The following PCDHGA3 variants were observed in gnomAD, a reference collection of about 807,000 sequenced individuals.
The protein encoded by PCDHGA3 is protocadherin gamma-A3.
PCDHGA3 carries 40 observed loss-of-function variants against 58.5 expected under a neutral mutation model. The ratio of observed to expected loss-of-function variants is 0.68; its 90% CI spans 0.53 to 0.89. PCDHGA3 has a LOEUF of 0.89. PCDHGA3 is among the 40% of genes least tolerant of loss of function. The pLI is 0.00. For synonymous variants in PCDHGA3, 530 were observed against 525.7 expected, an observed-to-expected ratio of 1.01 and a Z score of -0.11; for missense variants, 1,223 against 1,195.9, an observed-to-expected ratio of 1.02 and a Z score of -0.33.
At position 141,477,961 on chromosome 5, in the gene PCDHGA3, C is replaced by T. The variant is rs199947431; in HGVS notation, c.2425-16846C>T. 21 of 1,614,048 alleles carry T rather than the reference C, an allele frequency of 1.3e-5. No homozygotes were observed. The Admixed American group carries it at 1.5e-4, about 12-fold the overall frequency. On this transcript the variant is annotated intron_variant, in intron 1 of 3. Coordinates refer to ENST00000253812, the MANE Select transcript of PCDHGA3 (RefSeq NM_018916.4). The surrounding 1 kb of genome is among the most constrained non-coding windows in gnomAD (Gnocchi z 4.9). Reference sequence around the variant, plus strand: ...CCTACAGTCTCTTGGGATCCCCTAACCAGAGCCTTTTTGCCATAGGGCTGC... The same window carrying T: ...CCTACAGTCTCTTGGGATCCCCTAATCAGAGCCTTTTTGCCATAGGGCTGC...
In PCDHGA3 at chr5:141,511,358, G is replaced by GT; in HGVS notation, c.*187dup. 1 of 1,355,398 alleles carries GT rather than the reference G, an allele frequency of 7.4e-7. No homozygotes were observed. Among genetic ancestry groups the GT allele is most frequent in the South Asian group, 1.5e-5 (1 of 66,198 alleles). 84.0% of individuals were successfully genotyped at this position (1,355,398 alleles called of 1,614,324 possible). On this transcript the variant is annotated 3_prime_UTR_variant, in exon 4 of 4. Transcript: ENST00000253812. ...GCACCTACCCCTTCCCCCCCAGGGG[G>GT]TTGAATATGCAAAAGCAGTTCCGCT...
intron 1 of PCDHGA3, chr5:141,360,648 C>T (rs1346761280): frequency 1.9e-5 from 31 of 1,613,888 alleles, no homozygotes; most frequent in African/African-American, 5.3e-5. Flanking sequence ...AAAGATACCA[C>T]CTTAATGACA....
At chr5:141,409,081 A>G (rs1220843821) in intron 1 of PCDHGA3, 3 of 1,613,820 alleles carry the variant, frequency 1.9e-6, no homozygotes, top group Non-Finnish European at 2.5e-6. Context: ...ATATGTTCTC[A>G]TTGGATGAGA....
intron 1 of PCDHGA3, among the ~76,000 whole-genome samples, chr5:141,482,633 G>T (rs1218163238): frequency 2.0e-5 from 3 of 151,784 alleles, no homozygotes; most frequent in Non-Finnish European, 2.9e-5. Flanking sequence ...AGGAAGAAAT[G>T]ATAGAGGTGG....
chr5:141,350,785 C>T, intron 1 of PCDHGA3: 1 of 1,613,294 alleles, frequency 6.2e-7, no homozygotes, highest in Non-Finnish European at 8.5e-7. Flanking sequence ...ATCAATACTT[C>T]TCTCTGTCAA....
chr5:141,510,221 C>T lies in PCDHGA3; in HGVS notation c.2573-726C>T, dbSNP rs891359580. On this transcript the variant is annotated intron_variant, in intron 3 of 3. Transcript: ENST00000253812. The stretch of plus-strand genomic sequence containing the variant: ...CCAGGAGGCAGAGGTTGCAGTGAGC[C>T]GGGATCGCGCCACTGCACTCCAGGC... Among the ~76,000 whole-genome samples, 12 of 150,616 alleles carry T rather than the reference C, an allele frequency of 8.0e-5. No homozygotes were observed. In the East Asian group the frequency reaches 1.2e-3, roughly 15 times the overall value.
intron 1 of PCDHGA3, chr5:141,352,400 T>C (rs772878086): frequency 1.9e-5 from 31 of 1,613,892 alleles, no homozygotes; most frequent in East Asian, 4.5e-5. Context: ...CCTGCGACGT[T>C]CCTCCAGCCT....
intron 2 of PCDHGA3, among the ~76,000 whole-genome samples, chr5:141,496,991 G>T (rs1164558685): frequency 6.6e-6 from 1 of 151,902 alleles, no homozygotes; most frequent in African/African-American, 2.4e-5. Context: ...TTTGAGACCA[G>T]CCTGGCAGCC....
At chr5:141,404,360 TC>T (rs780435528) in intron 1 of PCDHGA3, 1 of 1,613,900 alleles carries the variant, frequency 6.2e-7, no homozygotes. Context: ...CAGAGGTACT[TC>T]CATCTTCTCC....
In PCDHGA3 at chr5:141,362,669, C is replaced by T. The variant is rs1028170696; in HGVS notation, c.2424+16212C>T. 8.6e-6 allele frequency: 11 copies of T among 1,279,762 alleles called. No individual in the cohort carries two copies. The African/African-American group carries it at 1.4e-4, about 16-fold the overall frequency. The allele number at this position is 1,279,762 out of a possible 1,614,324, so 79.3% of individuals were successfully genotyped here. ...TGAGTTAGATTTGGCCAATGTTGTG[C>T]CTTAATTGTCTTAATCTTATCTAAC... is the stretch of plus-strand genomic sequence containing the variant. On this transcript the variant is annotated intron_variant, in intron 1 of 3. Transcript: ENST00000253812.
At chr5:141,372,226 C>A (rs1238266870) in intron 1 of PCDHGA3, 1 of 1,613,332 alleles carries the variant, frequency 6.2e-7, no homozygotes, top group Non-Finnish European at 8.5e-7. Flanking sequence ...ATTGTGCAGG[C>A]CAGCGAGCCC....
At chr5:141,389,896 C>T (rs1398944326) in intron 1 of PCDHGA3, 1 of 1,614,076 alleles carries the variant, frequency 6.2e-7, no homozygotes, top group Non-Finnish European at 8.5e-7. Flanking sequence ...GAGGTGCTGC[C>T]GGATATCACT....
rs139771811 is a variant in PCDHGA3 at position 141,355,932 on chromosome 5, G to C, written c.2424+9475G>C. ...ACGATAATGCTCCCGTGTTCACTCA[G>C]CCCGAGTACCACGTAAGTGTTCGTG... On this transcript the variant is annotated intron_variant, in intron 1 of 3. Coordinates refer to ENST00000253812, the MANE Select transcript of PCDHGA3 (RefSeq NM_018916.4). 10 of 1,613,772 alleles carry C rather than the reference G, an allele frequency of 6.2e-6. 1 individual carries two copies. The highest frequency in any genetic ancestry group is 4.5e-5 in the East Asian group (2 of 44,878).
chr5:141,390,061 A>G, intron 1 of PCDHGA3: 1 of 1,614,016 alleles, frequency 6.2e-7, no homozygotes, highest in East Asian at 2.2e-5. Context: ...AGCTGCTTCC[A>G]GCCTGGTCTC....
chr5:141,383,860 G>C lies in PCDHGA3; in HGVS notation c.2424+37403G>C, dbSNP rs772168555. On this transcript the variant is annotated intron_variant, in intron 1 of 3. Coordinates refer to ENST00000253812, the MANE Select transcript of PCDHGA3 (RefSeq NM_018916.4). ...TGCCTTCTATGAAATGGAGGTTCAG[G>C]CTCAAGATGGTCCTGGTAGTCTGAC... 6 of 1,613,808 alleles carry C rather than the reference G, an allele frequency of 3.7e-6. No homozygotes were observed. The Admixed American group carries it at 8.3e-5, about 22-fold the overall frequency.
intron 1 of PCDHGA3, chr5:141,400,256 G>A (rs756430299): frequency 9.9e-6 from 16 of 1,613,986 alleles, no homozygotes; most frequent in Admixed American, 1.7e-5. Context: ...GTTGCCTTGC[G>A]CCTGCGACGC....
In PCDHGA3 at chr5:141,486,610, C is replaced by G; in HGVS notation, c.2425-8197C>G. 6.2e-7 allele frequency: 1 copy of G among 1,613,620 alleles called. No homozygotes were observed. The highest frequency in any genetic ancestry group is 8.5e-7 in the Non-Finnish European group (1 of 1,180,038). On this transcript the variant is annotated intron_variant, in intron 1 of 3. Coordinates refer to ENST00000253812, the MANE Select transcript of PCDHGA3 (RefSeq NM_018916.4). This position sits in a 1 kb window ranked among gnomAD's most constrained non-coding sequence, Gnocchi z 5.0. ...GGGACCTGCTTTGCTCCCTTGCAGC[C>G]TCTGACCCAGACTCTGGCTTGAATG...
chr5:141,500,937 C>G (rs910002814), intron 2 of PCDHGA3, among the ~76,000 whole-genome samples: 1 of 151,804 alleles, frequency 6.6e-6, no homozygotes, highest in Non-Finnish European at 1.5e-5. Context: ...GGCGCCATCT[C>G]GGCTCACTGC....
intron 1 of PCDHGA3, chr5:141,383,820 A>C: frequency 6.2e-7 from 1 of 1,613,924 alleles, no homozygotes; most frequent in Non-Finnish European, 8.5e-7. Flanking sequence ...TAGAAGGATT[A>C]GATTATGAAG....
Sources: allele counts gnomAD v4.1 joint callset (sites outside exome capture counted in the v4.1 genomes callset), GRCh38; gene constraint gnomAD v4.1.1; non-coding constraint Gnocchi (gnomAD v3.1); transcripts MANE v1.5; gene names NCBI Gene and HGNC (gene_info 2026-07-23, HGNC 2026-07-21).